Variants in PPP4R2 observed in about 807,000 individuals in gnomAD.
PPP4R2 encodes protein phosphatase 4 regulatory subunit 2.
PPP4R2 carries 13 observed loss-of-function variants against 47.2 expected under a neutral mutation model. The ratio of observed to expected loss-of-function variants is 0.28; its 90% CI spans 0.18 to 0.44. The LOEUF (loss-of-function observed/expected upper bound fraction) is 0.44, where lower values mean the gene tolerates loss of function less well. PPP4R2 is among the 20% of genes least tolerant of loss of function. The pLI, the probability that PPP4R2 is intolerant of heterozygous loss-of-function variation, is 1.00. For missense variants in PPP4R2, 421 were observed against 491.2 expected (o/e 0.86, Z 1.35); for synonymous variants, 151 against 163.3 (o/e 0.92, Z 0.57).
chr3:72,996,805 C>G (rs941391654), upstream of PPP4R2: 1 of 378,544 alleles, frequency 2.6e-6, no homozygotes, highest in Non-Finnish European at 4.7e-6. Flanking sequence ...CGCGCGGTGA[C>G]GTACCGGGCG....
Position 73,015,506 on chromosome 3 carries a change from C to T in PPP4R2, c.116+17348C>T, listed in dbSNP as rs182207053. 9.3e-3 allele frequency among the ~76,000 whole-genome samples: 1,377 copies of T among 147,550 alleles called. 12 individuals carry two copies. Among genetic ancestry groups the T allele is most frequent in the Non-Finnish European group, 0.015 (1,036 of 67,050 alleles). On this transcript the variant is annotated intron_variant, in intron 2 of 8. Coordinates refer to ENST00000356692, the MANE Select transcript of PPP4R2 (RefSeq NM_174907.4). The stretch of plus-strand genomic sequence containing the variant: ...CTTTTTTTTTTTTTTTTTAGGGTCT[C>T]GCTCTGTCGCCCAGGCTGGAGTGCA...
intron 3 of PPP4R2, among the ~76,000 whole-genome samples, chr3:73,052,241 C>CTTTTTTTT (rs71845467): frequency 1.3e-4 from 18 of 137,726 alleles, no homozygotes; most frequent in African/African-American, 2.8e-4. Context: ...TAATTTCTTT[C>CTTTTTTTT]TTTTCTTTTT....
At chr3:73,062,156 C>T (rs771820903) in intron 5 of PPP4R2, 1 of 1,548,056 alleles carries the variant, frequency 6.5e-7, no homozygotes, top group Non-Finnish European at 8.7e-7. Context: ...ACAGATCTTA[C>T]AAAAGATCTT....
rs1388915175 is a variant in PPP4R2 at position 73,016,754 on chromosome 3, T to A, written c.116+18596T>A. On this transcript the variant is annotated intron_variant, in intron 2 of 8. Transcript: ENST00000356692. ...GTTTATTTTTATTATTTTTTTTTTT[T>A]AATACAGAGTCTCACTCTGTCACCC... Among the ~76,000 whole-genome samples the A allele has an allele frequency of 4.5e-5, 6 of 133,508 alleles. 1 individual carries two copies. Among genetic ancestry groups the A allele is most frequent in the Non-Finnish European group, 9.9e-5 (6 of 60,308 alleles). 87.6% of individuals were successfully genotyped at this position (133,508 alleles called of 152,430 possible).
rs577893916 is a variant in PPP4R2, at chr3:73,058,398, T to C, written c.288-639T>C. 5.5e-3 allele frequency among the ~76,000 whole-genome samples: 836 copies of C among 152,226 alleles called. 8 individuals are homozygous for C. Among genetic ancestry groups the C allele is most frequent in the Non-Finnish European group, 8.3e-3 (567 of 67,966 alleles). On this transcript the variant is annotated intron_variant, in intron 3 of 8. Transcript: ENST00000356692. ...CAACTTGATTATTATTTGTGTTACC[T>C]CTCTTGTAAACTTAAAAATCAAATT...
At chr3:73,051,967 C>T (rs1172149729) in intron 3 of PPP4R2, among the ~76,000 whole-genome samples, 4 of 152,150 alleles carry the variant, frequency 2.6e-5, no homozygotes, top group African/African-American at 7.2e-5. Context: ...ATTGTCCATG[C>T]ACTTGTTTAC....
At chr3:73,022,957 T>C (rs1053395496) in intron 2 of PPP4R2, among the ~76,000 whole-genome samples, 10 of 152,136 alleles carry the variant, frequency 6.6e-5, no homozygotes, top group African/African-American at 2.4e-4. Flanking sequence ...AATAATGGTG[T>C]GTTTCAGGTA....
At chr3:73,017,388 C>G (rs140626543) in intron 2 of PPP4R2, among the ~76,000 whole-genome samples, 38 of 152,248 alleles carry the variant, frequency 2.5e-4, no homozygotes, top group African/African-American at 9.2e-4. Flanking sequence ...TTTTACAGTC[C>G]AGGTCACAGG....
At chr3:73,045,964 C>T (rs1261960156) in intron 2 of PPP4R2, among the ~76,000 whole-genome samples, 1 of 151,988 alleles carries the variant, frequency 6.6e-6, no homozygotes, top group African/African-American at 2.4e-5. Context: ...TTTTTTAATA[C>T]CTGTTTCTCA....
chr3:73,065,480 G>A lies in PPP4R2; in HGVS notation c.1012G>A (p.Glu338Lys). ...ESDDALTVNEETSEENNQMEE... is the reference protein window; with the variant it reads ...ESDDALTVNEKTSEENNQMEE... The stretch of plus-strand genomic sequence containing the variant: ...TGATGATGCCTTAACTGTGAATGAA[G>A]AGACTTCTGAGGAAAATAATCAAAT... The change falls in exon 9 of 9, where the codon GAG becomes AAG. Residue 338 changes from glutamate to lysine, a missense_variant. Glu to Lys is a moderately conservative substitution (Grantham distance 56). Around this residue, in one of 2 missense-constraint regions of PPP4R2, gnomAD observed 317 missense variants for 287.5 expected, o/e 1.10. Transcript: ENST00000356692. 1 of 1,611,736 alleles carries A rather than the reference G, an allele frequency of 6.2e-7. No individual in the cohort carries two copies. Among genetic ancestry groups the A allele is most frequent in the Non-Finnish European group, 8.5e-7 (1 of 1,179,702 alleles).
intron 2 of PPP4R2, 147 bp downstream of exon 2, chr3:72,998,305 A>G: frequency 1.8e-6 from 1 of 556,786 alleles, no homozygotes; most frequent in Non-Finnish European, 3.1e-6. Flanking sequence ...ATATATTTAC[A>G]TTTAAAGAAC....
chr3:73,058,803 C>A (rs558859759), intron 3 of PPP4R2, among the ~76,000 whole-genome samples: 1 of 149,980 alleles, frequency 6.7e-6, no homozygotes, highest in Non-Finnish European at 1.5e-5. Context: ...CCTCCCCCCC[C>A]ACCTTTATTG....
chr3:73,058,313 T>C (rs186174244), intron 3 of PPP4R2, among the ~76,000 whole-genome samples: 6 of 152,250 alleles, frequency 3.9e-5, no homozygotes, highest in Admixed American at 3.3e-4. Flanking sequence ...TTGAACATTT[T>C]AAAGAAACCT....
intron 2 of PPP4R2, among the ~76,000 whole-genome samples, chr3:73,025,712 T>C (rs1257679262): frequency 6.6e-6 from 1 of 152,128 alleles, no homozygotes; most frequent in Admixed American, 6.6e-5. Context: ...TAGGATAGAT[T>C]AGAAAGGGTC....
chr3:73,020,077 C>T (rs1575851525), intron 2 of PPP4R2, among the ~76,000 whole-genome samples: 2 of 152,090 alleles, frequency 1.3e-5, no homozygotes, highest in East Asian at 1.9e-4. Context: ...AACAAAATAC[C>T]ATTGACTTGG....
At chr3:73,032,379 C>G (rs572092306) in intron 2 of PPP4R2, among the ~76,000 whole-genome samples, 1 of 151,814 alleles carries the variant, frequency 6.6e-6, no homozygotes, top group East Asian at 1.9e-4. Flanking sequence ...ACCTCCAACT[C>G]CCTGGTTCAA....
chr3:73,023,039 GATC>G (rs980956692), intron 2 of PPP4R2, among the ~76,000 whole-genome samples: 1 of 152,076 alleles, frequency 6.6e-6, no homozygotes, highest in Non-Finnish European at 1.5e-5. Flanking sequence ...CAGAAGTTCA[GATC>G]ATTATGAGGA....
chr3:73,013,751 G>C (rs1701770744), intron 2 of PPP4R2, among the ~76,000 whole-genome samples: 1 of 151,698 alleles, frequency 6.6e-6, no homozygotes, highest in Non-Finnish European at 1.5e-5. Context: ...CAATTTTTCT[G>C]CCTCAGCCTC....
intron 2 of PPP4R2, among the ~76,000 whole-genome samples, chr3:73,034,297 G>GTTTTA (rs1702222720): frequency 6.6e-6 from 1 of 152,006 alleles, no homozygotes. Flanking sequence ...TAGTAGTTTT[G>GTTTTA]TTTTATTTTA....
Sources: allele counts gnomAD v4.1 joint callset (sites outside exome capture counted in the v4.1 genomes callset), GRCh38; gene constraint gnomAD v4.1.1; regional missense constraint gnomAD v4.1.1; transcripts MANE v1.5; gene names NCBI Gene and HGNC (gene_info 2026-07-23, HGNC 2026-07-21).